Variants in MORC1 observed in about 807,000 individuals in gnomAD.
The protein encoded by MORC1 is MORC family CW-type zinc finger 1.
Under a neutral mutation model 134.9 loss-of-function variants are expected in MORC1, and 59 were observed. That is an observed-to-expected ratio of 0.44 (90% CI 0.35 to 0.54). The LOEUF (loss-of-function observed/expected upper bound fraction) is 0.54, where lower values mean the gene tolerates loss of function less well. Ranked by LOEUF, MORC1 falls within the 20% of genes least tolerant of loss-of-function variation. The probability of loss-of-function intolerance (pLI) is 0.00; values close to 1 mark genes in which losing one functional copy is unlikely to be tolerated. For synonymous variants in MORC1, 395 were observed against 391.7 expected, an observed-to-expected ratio of 1.01 and a Z score of -0.10; for missense variants, 947 against 1,134.5, an observed-to-expected ratio of 0.83 and a Z score of 2.37.
At chr3:109,086,340 G>A (rs2107744816) in intron 8 of MORC1, among the ~76,000 whole-genome samples, 1 of 152,076 alleles carries the variant, frequency 6.6e-6, no homozygotes, top group South Asian at 2.1e-4. Flanking sequence ...CATATACCCT[G>A]AAAATATGTA....
chr3:109,097,481 A>T (rs4241398), intron 6 of MORC1, among the ~76,000 whole-genome samples: 72,258 of 152,006 alleles, frequency 0.48, 20,335 homozygotes, highest in East Asian at 0.9. Flanking sequence ...CTATGGAAGA[A>T]GATGTGAGAT....
chr3:109,102,732 A>G (rs922207955), intron 4 of MORC1, among the ~76,000 whole-genome samples: 2 of 152,240 alleles, frequency 1.3e-5, no homozygotes, highest in Non-Finnish European at 2.9e-5. Flanking sequence ...ATTCCCTTAG[A>G]ATATATCACA....
chr3:109,109,168 G>GA (rs1951106466), intron 3 of MORC1, among the ~76,000 whole-genome samples: 1 of 152,058 alleles, frequency 6.6e-6, no homozygotes, highest in African/African-American at 2.4e-5. Flanking sequence ...GACCACCCAT[G>GA]AAAAGCTGTA....
chr3:109,011,520 TTTTG>T (rs1400049643), intron 17 of MORC1, among the ~76,000 whole-genome samples: 16 of 150,642 alleles, frequency 1.1e-4, no homozygotes, highest in Non-Finnish European at 1.8e-4. Flanking sequence ...TGTGCTTTGT[TTTTG>T]TTTTTTTTTT....
intron 18 of MORC1, among the ~76,000 whole-genome samples, chr3:109,005,644 C>G (rs1948521215): frequency 2.0e-5 from 3 of 152,180 alleles, no homozygotes; most frequent in Admixed American, 2.0e-4. Context: ...CAAGGCTGGT[C>G]GTCATCCCTA....
At position 108,971,432 on chromosome 3, in the gene MORC1, A is replaced by C. The variant is rs747282004; in HGVS notation, c.2478-30T>G. On this transcript the variant is annotated intron_variant, in intron 24 of 27. Coordinates refer to ENST00000232603, the MANE Select transcript of MORC1 (RefSeq NM_014429.4). ...GAATACAAGCACAGCAGATATGGGAATATACTAGGATAACAGAGGTAGCAC... is the reference window on the plus strand; with the variant it reads ...GAATACAAGCACAGCAGATATGGGACTATACTAGGATAACAGAGGTAGCAC... 3.7e-5 allele frequency: 59 copies of C among 1,576,418 alleles called. 1 individual carries two copies. The Admixed American group carries it at 8.9e-4, about 24-fold the overall frequency.
At chr3:109,075,598 C>G (rs573182251) in intron 8 of MORC1, among the ~76,000 whole-genome samples, 132 of 152,266 alleles carry the variant, frequency 8.7e-4, no homozygotes, top group African/African-American at 3.0e-3. Flanking sequence ...TGTCAAAGAT[C>G]AGATGGTTGT....
chr3:109,041,628 C>T (rs1949554056), intron 14 of MORC1, among the ~76,000 whole-genome samples: 1 of 152,080 alleles, frequency 6.6e-6, no homozygotes, highest in Admixed American at 6.5e-5. Context: ...GCGGGCAGCT[C>T]ATGAGGTCAA....
At chr3:109,000,471 C>T (rs1948372729) in intron 21 of MORC1, 86 bp downstream of exon 21, 2 of 1,007,902 alleles carry the variant, frequency 2.0e-6, no homozygotes, top group Admixed American at 5.3e-5. Flanking sequence ...CTAAATGTTT[C>T]CACTACTTTG....
At chr3:108,995,511 T>C (rs1276851949) in intron 21 of MORC1, among the ~76,000 whole-genome samples, 3 of 152,184 alleles carry the variant, frequency 2.0e-5, no homozygotes, top group African/African-American at 4.8e-5. Context: ...CAACAGCTCA[T>C]GGAAGGGGTT....
rs1173212592 is a variant in MORC1 at position 109,021,433 on chromosome 3, T to C, written c.1704+6318A>G. 3.9e-5 allele frequency among the ~76,000 whole-genome samples: 6 copies of C among 152,308 alleles called. No homozygotes were observed. The East Asian group carries it at 1.2e-3, about 29-fold the overall frequency. ...TGACTAGCATGCAAACAGAGGGATG[T>C]AATGTGGCAAGACTGCCTGCAACTG... On this transcript the variant is annotated intron_variant, in intron 17 of 27. Transcript: ENST00000232603.
At position 108,991,917 on chromosome 3, in the gene MORC1, C is replaced by T. The variant is rs946848070; in HGVS notation, c.2188-4968G>A. Among the ~76,000 whole-genome samples the T allele has an allele frequency of 2.6e-5, 4 of 152,244 alleles. No homozygotes were observed. In the South Asian group the frequency reaches 8.3e-4, roughly 32 times the overall value. ...CTGTACTACCTTTCTTTTAAAATTG[C>T]TTAAGTTTTTCTTGTCTTTCTATAC... On this transcript the variant is annotated intron_variant, in intron 21 of 27. Coordinates refer to ENST00000232603, the MANE Select transcript of MORC1 (RefSeq NM_014429.4).
intron 23 of MORC1, 136 bp from the exon 24 acceptor site, chr3:108,979,803 C>A: frequency 2.3e-6 from 2 of 854,178 alleles, no homozygotes; most frequent in African/African-American, 1.7e-5. Flanking sequence ...AAAACTGCCA[C>A]CACTGTAGTT....
intron 14 of MORC1, among the ~76,000 whole-genome samples, chr3:109,042,642 C>T (rs1224483779): frequency 6.6e-6 from 1 of 152,168 alleles, no homozygotes; most frequent in Non-Finnish European, 1.5e-5. Context: ...ATATTCATTG[C>T]AGCACTATTT....
chr3:109,005,354 TA>T, intron 18 of MORC1, 39 bp from the exon 19 acceptor site: 1 of 1,518,526 alleles, frequency 6.6e-7, no homozygotes, highest in Non-Finnish European at 8.9e-7. Context: ...TTTTGGTAGA[TA>T]GCCTATTTAT....
chr3:109,031,440 G>A (rs919301126), intron 16 of MORC1, among the ~76,000 whole-genome samples: 1 of 152,164 alleles, frequency 6.6e-6, no homozygotes, highest in Non-Finnish European at 1.5e-5. Flanking sequence ...TCCAGAGTCT[G>A]AACTCTAAAT....
chr3:109,016,436 GGT>G (rs1948817193), intron 17 of MORC1, among the ~76,000 whole-genome samples: 1 of 152,146 alleles, frequency 6.6e-6, no homozygotes, highest in South Asian at 2.1e-4. Context: ...AAGATTTTTA[GGT>G]GTGTGTGAAC....
chr3:109,076,830 G>A (rs755662109), intron 8 of MORC1, among the ~76,000 whole-genome samples: 1 of 152,106 alleles, frequency 6.6e-6, no homozygotes, highest in Non-Finnish European at 1.5e-5. Flanking sequence ...CCTGGCGGGG[G>A]ATCGGGGACT....
intron 14 of MORC1, among the ~76,000 whole-genome samples, chr3:109,042,034 A>T (rs1417419144): frequency 6.6e-6 from 1 of 152,168 alleles, no homozygotes; most frequent in Non-Finnish European, 1.5e-5. Flanking sequence ...ACCCTAGAAG[A>T]AATGAGAGAA....
Sources: allele counts gnomAD v4.1 joint callset (sites outside exome capture counted in the v4.1 genomes callset), GRCh38; gene constraint gnomAD v4.1.1; transcripts MANE v1.5; gene names NCBI Gene and HGNC (gene_info 2026-07-23, HGNC 2026-07-21).